TCF7L1: variants seen among roughly 807,000 people sequenced by gnomAD.
TCF7L1 encodes transcription factor 7-like 1.
A neutral mutation model predicts 63.7 loss-of-function variants in TCF7L1; 18 were observed. The ratio of observed to expected loss-of-function variants is 0.28; its 90% CI spans 0.20 to 0.42. TCF7L1 has a LOEUF of 0.42. Among genes scored for constraint, TCF7L1 ranks in the 10% least tolerant of loss-of-function variants. The pLI, the probability that TCF7L1 is intolerant of heterozygous loss-of-function variation, is 1.00. For synonymous variants in TCF7L1, 355 were observed against 340.9 expected, an observed-to-expected ratio of 1.04 and a Z score of -0.46; for missense variants, 654 against 779.3, an observed-to-expected ratio of 0.84 and a Z score of 1.91.
intron 4 of TCF7L1, among the ~76,000 whole-genome samples, chr2:85,286,884 G>A (rs1414399693): frequency 1.3e-5 from 2 of 152,172 alleles, no homozygotes; most frequent in Non-Finnish European, 2.9e-5. Flanking sequence ...GCTGCAGTGA[G>A]CCATGATTGT....
At chr2:85,184,680 AG>A (rs1321027052) in intron 3 of TCF7L1, among the ~76,000 whole-genome samples, 2 of 152,152 alleles carry the variant, frequency 1.3e-5, no homozygotes, top group East Asian at 3.9e-4. Context: ...TGTAAGGACA[AG>A]GCTGCAGCAC....
At chr2:85,239,429 T>C (rs1383402303) in intron 3 of TCF7L1, among the ~76,000 whole-genome samples, 2 of 152,080 alleles carry the variant, frequency 1.3e-5, no homozygotes, top group Admixed American at 6.5e-5. Context: ...TGCAAACTCA[T>C]CACAGTGTGG....
At chr2:85,270,383 A>G (rs528181244) in intron 3 of TCF7L1, among the ~76,000 whole-genome samples, 30 of 152,296 alleles carry the variant, frequency 2.0e-4, no homozygotes, top group African/African-American at 6.7e-4. Context: ...CTAGGAGCTG[A>G]GTTCCGCTTT....
At chr2:85,292,931 A>G (rs555866326) in intron 4 of TCF7L1, among the ~76,000 whole-genome samples, 2 of 152,348 alleles carry the variant, frequency 1.3e-5, no homozygotes, top group African/African-American at 4.8e-5. Flanking sequence ...AGTGGCTTAC[A>G]TTAGTAAACA....
intron 3 of TCF7L1, among the ~76,000 whole-genome samples, chr2:85,143,089 T>C (rs542507761): frequency 7.9e-5 from 12 of 152,330 alleles, no homozygotes; most frequent in Admixed American, 7.8e-4. Context: ...TCAAAGGCAA[T>C]AGCTCTAATT....
At chr2:85,178,139 G>A (rs1864804) in intron 3 of TCF7L1, among the ~76,000 whole-genome samples, 9,189 of 152,254 alleles carry the variant, frequency 0.06, 334 homozygotes, top group Non-Finnish European at 0.092. Flanking sequence ...CGCTCCCAGA[G>A]ACGTCTCCAT....
At chr2:85,188,448 A>G (rs1678977884) in intron 3 of TCF7L1, among the ~76,000 whole-genome samples, 1 of 152,236 alleles carries the variant, frequency 6.6e-6, no homozygotes, top group Non-Finnish European at 1.5e-5. Context: ...CTATGAATCT[A>G]TAATCATTTT....
chr2:85,221,045 G>T (rs921720683), intron 3 of TCF7L1, among the ~76,000 whole-genome samples: 1 of 152,162 alleles, frequency 6.6e-6, no homozygotes, highest in East Asian at 1.9e-4. Context: ...CTATTGTTAC[G>T]CACTCAGGTA....
chr2:85,221,528 T>G (rs1679839991), intron 3 of TCF7L1, among the ~76,000 whole-genome samples: 2 of 152,296 alleles, frequency 1.3e-5, no homozygotes, highest in South Asian at 4.1e-4. Context: ...GGTGCAGGCC[T>G]TCTTACTGCA....
chr2:85,194,635 TTG>T (rs1348735252), intron 3 of TCF7L1, among the ~76,000 whole-genome samples: 2 of 152,218 alleles, frequency 1.3e-5, no homozygotes, highest in East Asian at 3.9e-4. Context: ...GAGTCTAGAA[TTG>T]TGTGCCCCCA....
chr2:85,300,407 A>G (rs1380324603), intron 4 of TCF7L1, among the ~76,000 whole-genome samples: 1 of 152,242 alleles, frequency 6.6e-6, no homozygotes, highest in Admixed American at 6.5e-5. Flanking sequence ...GATATCTTCA[A>G]AAACGAGTAA....
At chr2:85,269,847 A>G (rs1681107767) in intron 3 of TCF7L1, among the ~76,000 whole-genome samples, 2 of 152,178 alleles carry the variant, frequency 1.3e-5, no homozygotes, top group Admixed American at 1.3e-4. Context: ...CATACACACT[A>G]GTGTAGGGTG....
At chr2:85,203,271 T>C (rs1679320652) in intron 3 of TCF7L1, among the ~76,000 whole-genome samples, 1 of 152,204 alleles carries the variant, frequency 6.6e-6, no homozygotes, top group South Asian at 2.1e-4. Flanking sequence ...CACCAGAACA[T>C]GACCAGAACA....
intron 3 of TCF7L1, among the ~76,000 whole-genome samples, chr2:85,190,155 G>A (rs1002218340): frequency 3.9e-5 from 6 of 152,204 alleles, no homozygotes; most frequent in Non-Finnish European, 7.3e-5. Context: ...TGTTGAAGGA[G>A]TGAACTACAT....
intron 3 of TCF7L1, among the ~76,000 whole-genome samples, chr2:85,227,317 C>T (rs959774049): frequency 1.3e-5 from 2 of 152,124 alleles, no homozygotes; most frequent in South Asian, 2.1e-4. Context: ...CAGGCCTTGG[C>T]GACCTGTTCT....
chr2:85,176,214 C>T (rs977507094), intron 3 of TCF7L1, among the ~76,000 whole-genome samples: 5 of 149,610 alleles, frequency 3.3e-5, no homozygotes, highest in African/African-American at 1.2e-4. Flanking sequence ...AGCTCTCGTG[C>T]AGCAGCAGTC....
chr2:85,278,445 G>A (rs745493659), intron 3 of TCF7L1, among the ~76,000 whole-genome samples: 23 of 152,164 alleles, frequency 1.5e-4, no homozygotes, highest in Non-Finnish European at 2.8e-4. Context: ...ACAATACAGC[G>A]TAAGAAGGAA....
At chr2:85,279,718 G>A (rs886146299) in intron 3 of TCF7L1, among the ~76,000 whole-genome samples, 1 of 152,044 alleles carries the variant, frequency 6.6e-6, no homozygotes, top group Non-Finnish European at 1.5e-5. Flanking sequence ...GGAAAGTCAC[G>A]ATCCTCCACA....
intron 3 of TCF7L1, among the ~76,000 whole-genome samples, chr2:85,219,844 A>G (rs1679804315): frequency 6.6e-6 from 1 of 152,246 alleles, no homozygotes; most frequent in Non-Finnish European, 1.5e-5. Context: ...CCTGGTGTTT[A>G]GGAGATCTGG....
Sources: allele counts gnomAD v4.1 joint callset (sites outside exome capture counted in the v4.1 genomes callset), GRCh38; gene constraint gnomAD v4.1.1; transcripts MANE v1.5; gene names NCBI Gene and HGNC (gene_info 2026-07-23, HGNC 2026-07-21).